MYCBP2: variants seen among roughly 807,000 people sequenced by gnomAD.
MYCBP2 encodes the protein MYC binding protein 2.
A neutral mutation model predicts 525.3 loss-of-function variants in MYCBP2; 120 were observed. The ratio of observed to expected loss-of-function variants is 0.23; its 90% confidence interval spans 0.20 to 0.27. The LOEUF is 0.27. Among genes scored for constraint, MYCBP2 ranks in the 10% least tolerant of loss-of-function variants. The pLI is 1.00. For missense variants in MYCBP2, 4,149 were observed against 5,657.1 expected (o/e 0.73, Z 8.55); for synonymous variants, 1,894 against 1,955.8 (o/e 0.97, Z 0.83).
chr13:77,119,447 C>T (rs182264633), intron 55 of MYCBP2, among the ~76,000 whole-genome samples: 137 of 151,798 alleles, frequency 9.0e-4, no homozygotes, highest in African/African-American at 1.7e-3. Flanking sequence ...ACTGTGTACA[C>T]GAGCCATATA....
chr13:77,096,962 A>G (rs2046349102), intron 56 of MYCBP2, among the ~76,000 whole-genome samples: 1 of 152,184 alleles, frequency 6.6e-6, no homozygotes, highest in South Asian at 2.1e-4. Context: ...TGATAAAACA[A>G]TATCACTTCC....
chr13:77,093,418 A>G, intron 58 of MYCBP2, 86 bp from the exon 59 acceptor site: 2 of 1,183,038 alleles, frequency 1.7e-6, no homozygotes, highest in East Asian at 2.5e-5. Flanking sequence ...CAGGAAAAGC[A>G]GCACATGTAA....
Position 77,054,969 on chromosome 13 carries a change from C to T in MYCBP2, c.13647+589G>A, listed in dbSNP as rs182808730. Among the ~76,000 whole-genome samples, 584 of 152,052 alleles carry T rather than the reference C, an allele frequency of 3.8e-3. 15 individuals carry two copies. The highest frequency in any genetic ancestry group is 6.6e-3 in the East Asian group (34 of 5,182). On this transcript the variant is annotated intron_variant, in intron 80 of 82. Coordinates refer to ENST00000544440, the MANE Select transcript of MYCBP2 (RefSeq NM_015057.5). Reference sequence around the variant, plus strand: ...GTGTGAGAGATCCAAATGTCTGGTACGCAGTTGGTTATTTGTAACTAAATC... The same window carrying T: ...GTGTGAGAGATCCAAATGTCTGGTATGCAGTTGGTTATTTGTAACTAAATC...
intron 59 of MYCBP2, among the ~76,000 whole-genome samples, chr13:77,091,418 T>C (rs1181791280): frequency 6.7e-6 from 1 of 149,588 alleles, no homozygotes; most frequent in African/African-American, 2.5e-5. Flanking sequence ...ATTTAAAAAG[T>C]GACTTTTTAC....
intron 55 of MYCBP2, among the ~76,000 whole-genome samples, chr13:77,113,070 T>C (rs1304259858): frequency 6.6e-6 from 1 of 152,190 alleles, no homozygotes; most frequent in Non-Finnish European, 1.5e-5. Context: ...GTACACTGCC[T>C]GACACGTAGG....
intron 8 of MYCBP2, among the ~76,000 whole-genome samples, chr13:77,264,227 T>A (rs1248727135): frequency 6.6e-6 from 1 of 152,080 alleles, no homozygotes; most frequent in Non-Finnish European, 1.5e-5. Context: ...ACCAAGGACC[T>A]GAGATCCCAC....
chr13:77,124,145 G>A lies in MYCBP2; in HGVS notation c.8017+1191C>T, dbSNP rs546831913. ...TGAGTACAGCATTTAAAACACGAAT[G>A]AAGATTCTGGCTGAAGTCTTACATC... On this transcript the variant is annotated intron_variant, in intron 54 of 82. Transcript: ENST00000544440. 1.2e-4 allele frequency among the ~76,000 whole-genome samples: 18 copies of A among 152,278 alleles called. No individual in the cohort carries two copies. In the South Asian group the frequency reaches 3.5e-3, roughly 30 times the overall value.
intron 17 of MYCBP2, among the ~76,000 whole-genome samples, chr13:77,234,060 T>C (rs561741582): frequency 5.9e-5 from 9 of 152,036 alleles, no homozygotes; most frequent in Admixed American, 3.9e-4. Flanking sequence ...TCCACTTATA[T>C]GGTATTTAAG....
intron 4 of MYCBP2, among the ~76,000 whole-genome samples, chr13:77,276,566 C>A (rs529961738): frequency 2.0e-5 from 3 of 151,936 alleles, no homozygotes; most frequent in Non-Finnish European, 4.4e-5. Context: ...GGAAGACAGA[C>A]GAAAGGCAGT....
chr13:77,102,683 T>C (rs1441997611), intron 55 of MYCBP2, among the ~76,000 whole-genome samples: 1 of 151,614 alleles, frequency 6.6e-6, no homozygotes, highest in Non-Finnish European at 1.5e-5. Context: ...TTATGCCAGA[T>C]AGGACAGGTA....
intron 35 of MYCBP2, 99 bp from the exon 36 acceptor site, chr13:77,176,727 T>G (rs2154241008): frequency 9.8e-7 from 1 of 1,023,316 alleles, no homozygotes; most frequent in South Asian, 3.7e-5. Flanking sequence ...ATTTATTTTC[T>G]TGAATATAAA....
intron 23 of MYCBP2, among the ~76,000 whole-genome samples, chr13:77,210,471 C>T (rs571193680): frequency 8.7e-4 from 133 of 152,202 alleles, no homozygotes; most frequent in East Asian, 4.6e-3. Flanking sequence ...GGATTACAGG[C>T]GTGAGCCACC....
intron 52 of MYCBP2, among the ~76,000 whole-genome samples, chr13:77,136,490 G>A (rs2053785139): frequency 6.6e-6 from 1 of 152,016 alleles, no homozygotes; most frequent in Admixed American, 6.6e-5. Context: ...AATCTTAATT[G>A]CTATTTCTGT....
rs78654836 is a variant in MYCBP2 at position 77,171,146 on chromosome 13, T to C, written c.5794+346A>G. 4.6e-5 allele frequency among the ~76,000 whole-genome samples: 7 copies of C among 152,216 alleles called. No homozygotes were observed. The East Asian group carries it at 1.3e-3, about 29-fold the overall frequency. ...GAGATGGTTAGGGTACCCCAGAGTT[T>C]TGGGTGGATAGCGATACATTACTGG... On this transcript the variant is annotated intron_variant, in intron 38 of 82. Coordinates refer to ENST00000544440, the MANE Select transcript of MYCBP2 (RefSeq NM_015057.5).
At chr13:77,261,565 T>A (rs905054313) in intron 11 of MYCBP2, among the ~76,000 whole-genome samples, 190 bp from the exon 12 acceptor site, 27 of 152,020 alleles carry the variant, frequency 1.8e-4, no homozygotes, top group Admixed American at 1.6e-3. Context: ...GAAGACACAG[T>A]TCATAATAGC....
At chr13:77,152,898 T>A (rs2056692338) in intron 46 of MYCBP2, among the ~76,000 whole-genome samples, 1 of 151,844 alleles carries the variant, frequency 6.6e-6, no homozygotes, top group Non-Finnish European at 1.5e-5. Context: ...ACCCCGTCTC[T>A]ACTAAAAATA....
intron 55 of MYCBP2, 90 bp downstream of exon 55, chr13:77,121,283 T>C (rs1401131533): frequency 8.6e-7 from 1 of 1,163,820 alleles, no homozygotes; most frequent in Non-Finnish European, 1.1e-6. Context: ...TAAAGATTTC[T>C]GGGTGAACAC....
chr13:77,266,914 T>C (rs1315777016), intron 8 of MYCBP2, among the ~76,000 whole-genome samples: 2 of 152,016 alleles, frequency 1.3e-5, no homozygotes, highest in Non-Finnish European at 2.9e-5. Context: ...TATGTATCTA[T>C]GTATATGTAG....
intron 32 of MYCBP2, 69 bp from the exon 33 acceptor site, chr13:77,181,991 A>C: frequency 3.3e-6 from 4 of 1,206,586 alleles, no homozygotes; most frequent in Non-Finnish European, 4.7e-6. Flanking sequence ...GTTTCTGAAT[A>C]CATAAAAGGT....
Sources: gnomAD v4.1 joint callset for allele counts (sites outside exome capture counted in the v4.1 genomes callset) on GRCh38, gnomAD v4.1.1 for gene constraint, MANE v1.5 for transcripts, NCBI Gene and HGNC (gene_info 2026-07-23, HGNC 2026-07-21) for gene names.